The following PPARGC1A variants were observed in gnomAD, a reference collection of about 807,000 sequenced individuals.
The protein encoded by PPARGC1A is peroxisome proliferator-activated receptor gamma coactivator 1-alpha.
Under a neutral mutation model 88.7 loss-of-function variants are expected in PPARGC1A, and 25 were observed. The ratio of observed to expected loss-of-function variants is 0.28; its 90% CI spans 0.21 to 0.39. PPARGC1A has a LOEUF of 0.39. PPARGC1A is among the 10% of genes least tolerant of loss of function. The pLI is 1.00. For synonymous variants in PPARGC1A, 363 were observed against 355.6 expected (o/e 1.02, Z -0.24); for missense variants, 880 against 968.7 (o/e 0.91, Z 1.22).
At chr4:24,446,704 C>A in the PPARGC1A span, among the ~76,000 whole-genome samples, 1 of 150,356 alleles carries the variant, frequency 6.7e-6, no homozygotes. Flanking sequence ...TCAAGCAATT[C>A]TCCTGCCTCA....
the PPARGC1A span, among the ~76,000 whole-genome samples, chr4:23,968,783 T>C: frequency 1.8e-4 from 28 of 152,016 alleles, no homozygotes; most frequent in East Asian, 4.9e-3. Context: ...GGTGTGGTGG[T>C]GGGTGCCCGT....
chr4:24,079,372 G>C, the PPARGC1A span, among the ~76,000 whole-genome samples: 1 of 151,926 alleles, frequency 6.6e-6, no homozygotes, highest in African/African-American at 2.4e-5. Context: ...GTTGACAAAT[G>C]TGACTACATT....
the PPARGC1A span, among the ~76,000 whole-genome samples, chr4:24,229,339 G>T: frequency 6.7e-6 from 1 of 149,724 alleles, no homozygotes; most frequent in Non-Finnish European, 1.5e-5. Flanking sequence ...AATAGAGACG[G>T]GGTTTCACCA....
chr4:24,410,353 A>C, the PPARGC1A span, among the ~76,000 whole-genome samples: 5 of 152,208 alleles, frequency 3.3e-5, no homozygotes, highest in African/African-American at 9.7e-5. Context: ...AAATATATAT[A>C]ACAAATGGAA....
At chr4:24,096,613 C>T in the PPARGC1A span, among the ~76,000 whole-genome samples, 1 of 152,202 alleles carries the variant, frequency 6.6e-6, no homozygotes, top group Non-Finnish European at 1.5e-5. Context: ...AAAACTTTTA[C>T]TCTACCATTT....
At chr4:23,797,649 T>C (rs962309417) in intron 12 of PPARGC1A, among the ~76,000 whole-genome samples, 1 of 152,244 alleles carries the variant, frequency 6.6e-6, no homozygotes, top group Middle Eastern at 3.2e-3. Flanking sequence ...GTTTCTTCAC[T>C]GTGAAATATA....
the PPARGC1A span, among the ~76,000 whole-genome samples, chr4:24,261,399 T>TCTC: frequency 6.6e-6 from 1 of 152,052 alleles, no homozygotes; most frequent in African/African-American, 2.4e-5. Flanking sequence ...TCCCTGCCCT[T>TCTC]CTCCTCCTCC....
At chr4:23,800,194 G>A (rs1718412265) in intron 12 of PPARGC1A, among the ~76,000 whole-genome samples, 1 of 152,088 alleles carries the variant, frequency 6.6e-6, no homozygotes, top group Non-Finnish European at 1.5e-5. Flanking sequence ...AGTGCATATA[G>A]ATATCTAATA....
the PPARGC1A span, among the ~76,000 whole-genome samples, chr4:24,159,886 G>A: frequency 6.6e-6 from 1 of 152,164 alleles, no homozygotes; most frequent in South Asian, 2.1e-4. Context: ...GAAGTCAGTG[G>A]GACCATATAG....
chr4:24,361,701 A>C, the PPARGC1A span, among the ~76,000 whole-genome samples: 1 of 152,236 alleles, frequency 6.6e-6, no homozygotes, highest in Non-Finnish European at 1.5e-5. Flanking sequence ...ATCCAGGTGA[A>C]GACCAGAGAA....
At chr4:24,183,645 T>C in the PPARGC1A span, among the ~76,000 whole-genome samples, 1 of 152,194 alleles carries the variant, frequency 6.6e-6, no homozygotes, top group Non-Finnish European at 1.5e-5. Context: ...AACATTCCCA[T>C]GATATAAAAT....
the PPARGC1A span, among the ~76,000 whole-genome samples, chr4:24,289,219 CAAAAAAAAAAAA>C: frequency 1.2e-5 from 1 of 82,774 alleles, no homozygotes; most frequent in Non-Finnish European, 2.6e-5. Context: ...GACTCCGTCT[CAAAAAAAAAAAA>C]AAAAAAAAAA....
the PPARGC1A span, among the ~76,000 whole-genome samples, chr4:24,009,150 A>AAAAAAAAAAAAAAG: frequency 4.2e-3 from 337 of 79,814 alleles, 26 homozygotes; most frequent in African/African-American, 0.019. Context: ...AAAAAAAAAA[A>AAAAAAAAAAAAAAG]AGAGAGAGAA....
chr4:24,055,458 CAAAG>C, the PPARGC1A span, among the ~76,000 whole-genome samples: 2 of 152,004 alleles, frequency 1.3e-5, no homozygotes, highest in African/African-American at 4.8e-5. Flanking sequence ...GAGGGAGAAA[CAAAG>C]AAAAGATGTT....
chr4:24,387,675 T>C, the PPARGC1A span, among the ~76,000 whole-genome samples: 2 of 150,148 alleles, frequency 1.3e-5, no homozygotes, highest in African/African-American at 4.9e-5. Context: ...AGGTGGAGAT[T>C]GTAGTGAGCT....
the PPARGC1A span, among the ~76,000 whole-genome samples, chr4:24,114,219 C>T: frequency 2.0e-5 from 3 of 151,864 alleles, no homozygotes; most frequent in Non-Finnish European, 4.4e-5. Flanking sequence ...CACCTAGCTC[C>T]TGTTAAGTAA....
intron 12 of PPARGC1A, among the ~76,000 whole-genome samples, chr4:23,796,938 A>G (rs1289439227): frequency 6.6e-6 from 1 of 152,022 alleles, no homozygotes; most frequent in East Asian, 1.9e-4. Flanking sequence ...ATAATACTAG[A>G]TACTACAGAG....
intron 12 of PPARGC1A, among the ~76,000 whole-genome samples, chr4:23,798,094 T>G (rs897995908): frequency 6.6e-6 from 1 of 151,980 alleles, no homozygotes; most frequent in Admixed American, 6.6e-5. Context: ...ACCCCCCTTT[T>G]TCCTTTACCT....
chr4:24,049,237 AATAT>A, the PPARGC1A span, among the ~76,000 whole-genome samples: 6 of 61,760 alleles, frequency 9.7e-5, no homozygotes, highest in African/African-American at 2.6e-4. Flanking sequence ...CATATATATA[AATAT>A]ATATACACAT....
Sources: allele counts gnomAD v4.1 joint callset (sites outside exome capture counted in the v4.1 genomes callset), GRCh38; gene constraint gnomAD v4.1.1; transcripts MANE v1.5; gene names NCBI Gene and HGNC (gene_info 2026-07-23, HGNC 2026-07-21).